The following DCLK2 variants were observed in gnomAD, a reference collection of about 807,000 sequenced individuals.
The protein encoded by DCLK2 is serine/threonine-protein kinase DCLK2.
In DCLK2, 31 loss-of-function variants were observed where a neutral mutation model predicts 78.4. The ratio of observed to expected loss-of-function variants is 0.40; its 90% CI spans 0.30 to 0.53. The LOEUF is 0.53. DCLK2 is among the 20% of genes least tolerant of loss of function. The probability of loss-of-function intolerance (pLI) is 0.61; values close to 1 mark genes in which losing one functional copy is unlikely to be tolerated. For missense variants in DCLK2, 872 were observed against 973.7 expected (o/e 0.90, Z 1.39); for synonymous variants, 407 against 374.9 (o/e 1.09, Z -0.99).
At chr4:150,143,041 T>C (rs1469101678) in intron 2 of DCLK2, among the ~76,000 whole-genome samples, 1 of 152,168 alleles carries the variant, frequency 6.6e-6, no homozygotes, top group Non-Finnish European at 1.5e-5. Context: ...ATGCAGCATT[T>C]TTATCTTTCT....
chr4:150,106,078 T>C (rs893948101), intron 2 of DCLK2, among the ~76,000 whole-genome samples: 1 of 152,016 alleles, frequency 6.6e-6, no homozygotes, highest in Non-Finnish European at 1.5e-5. Context: ...AAAAGATCTT[T>C]TAAGACTTTC....
chr4:150,252,380 A>C (rs761995542), intron 15 of DCLK2, among the ~76,000 whole-genome samples: 1 of 152,248 alleles, frequency 6.6e-6, no homozygotes, highest in South Asian at 2.1e-4. Context: ...GTCTTCTGAG[A>C]GGAAGAACCT....
chr4:150,165,015 A>G (rs1735966753), intron 2 of DCLK2, among the ~76,000 whole-genome samples: 1 of 152,210 alleles, frequency 6.6e-6, no homozygotes, highest in Non-Finnish European at 1.5e-5. Context: ...TTACATGAGT[A>G]ATCTCTGATT....
chr4:150,161,160 T>G (rs1735679361), intron 2 of DCLK2, among the ~76,000 whole-genome samples: 2 of 152,194 alleles, frequency 1.3e-5, no homozygotes, highest in African/African-American at 4.8e-5. Context: ...TATAGAAAAC[T>G]TACTTTCAGG....
intron 2 of DCLK2, among the ~76,000 whole-genome samples, chr4:150,160,399 A>G (rs1369367257): frequency 2.0e-5 from 3 of 152,176 alleles, no homozygotes; most frequent in Non-Finnish European, 4.4e-5. Context: ...TGCAGCTTTT[A>G]GGATTTAATT....
At chr4:150,233,584 T>A (rs765266464) in intron 10 of DCLK2, among the ~76,000 whole-genome samples, 1 of 152,160 alleles carries the variant, frequency 6.6e-6, no homozygotes, top group African/African-American at 2.4e-5. Flanking sequence ...AATAGTCTAG[T>A]CCATTCATCT....
chr4:150,125,237 T>C (rs1342789325), intron 2 of DCLK2, among the ~76,000 whole-genome samples: 1 of 152,240 alleles, frequency 6.6e-6, no homozygotes, highest in Non-Finnish European at 1.5e-5. Context: ...TGCATTTATC[T>C]TATGAATCTC....
Position 150,139,964 on chromosome 4 carries a change from T to C in DCLK2, c.756+37152T>C, listed in dbSNP as rs181158918. Among the ~76,000 whole-genome samples the C allele has an allele frequency of 1.1e-4, 16 of 152,338 alleles. No homozygotes were observed. The East Asian group carries it at 3.1e-3, about 29-fold the overall frequency. ...TACATTTTGACAAATATAGGCAAAT[T>C]ATCCTTCTAGAATGTCACTGCTTAG... On this transcript the variant is annotated intron_variant, in intron 2 of 15. Transcript: ENST00000296550.
rs200254330 is a variant in DCLK2, at chr4:150,256,691, C to T, written c.*444C>T. 8.6e-6 allele frequency: 1 copy of T among 116,436 alleles called. No individual in the cohort carries two copies. Among genetic ancestry groups the T allele is most frequent in the Non-Finnish European group, 2.0e-5 (1 of 50,338 alleles). 7.2% of individuals were successfully genotyped at this position (116,436 alleles called of 1,614,324 possible). The stretch of plus-strand genomic sequence containing the variant: ...TCTTTTCTTTTCTCTCTCTCTCTCT[C>T]TTTTTTTTTTACGAAAGACTTAGAA... On this transcript the variant is annotated 3_prime_UTR_variant, in exon 16 of 16. Transcript: ENST00000296550.
chr4:150,154,722 C>T (rs571429401), intron 2 of DCLK2, among the ~76,000 whole-genome samples: 1 of 151,964 alleles, frequency 6.6e-6, no homozygotes, highest in Non-Finnish European at 1.5e-5. Flanking sequence ...TTGATTTTTG[C>T]CTTTGTCATG....
At chr4:150,103,696 T>C (rs1731037430) in intron 2 of DCLK2, among the ~76,000 whole-genome samples, 2 of 152,204 alleles carry the variant, frequency 1.3e-5, no homozygotes, top group African/African-American at 4.8e-5. Flanking sequence ...ATATAAAACA[T>C]TGAGCAGTGT....
At chr4:150,248,110 A>T (rs530463062) in intron 13 of DCLK2, among the ~76,000 whole-genome samples, 195 bp from the exon 14 acceptor site, 1 of 152,342 alleles carries the variant, frequency 6.6e-6, no homozygotes, top group South Asian at 2.1e-4. Flanking sequence ...ACATGGACTC[A>T]GGAGAGACTG....
intron 2 of DCLK2, among the ~76,000 whole-genome samples, chr4:150,186,046 C>G (rs776077804): frequency 1.1e-4 from 16 of 152,172 alleles, no homozygotes; most frequent in Non-Finnish European, 2.2e-4. Flanking sequence ...ACTTTCCCCT[C>G]GTTTGTATAG....
rs1364226226 is a variant in DCLK2, at chr4:150,224,578, T to C, written c.1299+20T>C. On this transcript the variant is annotated intron_variant, in intron 8 of 15. Transcript: ENST00000296550. Reference sequence around the variant, plus strand: ...GGAAAGGTATAGTATGCATAACCCCTAGTTCTGAAAGAAACTAGAGTAACT... The same window carrying C: ...GGAAAGGTATAGTATGCATAACCCCCAGTTCTGAAAGAAACTAGAGTAACT... 6.3e-7 allele frequency: 1 copy of C among 1,593,660 alleles called. No homozygotes were observed. The highest frequency in any genetic ancestry group is 1.4e-5 in the African/African-American group (1 of 73,954).
chr4:150,196,173 G>A (rs1378797961), intron 3 of DCLK2, among the ~76,000 whole-genome samples: 2 of 152,096 alleles, frequency 1.3e-5, no homozygotes, highest in East Asian at 3.8e-4. Flanking sequence ...AGAATGCATG[G>A]AATTCAGTTT....
chr4:150,174,243 A>G (rs780511379), intron 2 of DCLK2, among the ~76,000 whole-genome samples: 9 of 152,192 alleles, frequency 5.9e-5, no homozygotes, highest in Non-Finnish European at 8.8e-5. Context: ...CTGAGTAGCC[A>G]TGCGGCATCC....
intron 2 of DCLK2, among the ~76,000 whole-genome samples, chr4:150,187,152 T>A (rs1207654188): frequency 6.6e-6 from 1 of 152,190 alleles, no homozygotes; most frequent in Non-Finnish European, 1.5e-5. Flanking sequence ...AAATCTTTCT[T>A]ATCCATTTTA....
At chr4:150,197,954 G>A (rs560084592) in intron 3 of DCLK2, 48 bp from the exon 4 acceptor site, 23 of 1,485,468 alleles carry the variant, frequency 1.5e-5, no homozygotes, top group Admixed American at 3.7e-5. Context: ...TCTGCTTTTG[G>A]TCGTTATTAA....
chr4:150,106,805 A>G (rs747332029), intron 2 of DCLK2, among the ~76,000 whole-genome samples: 1 of 152,206 alleles, frequency 6.6e-6, no homozygotes, highest in African/African-American at 2.4e-5. Context: ...TCTTCCTTCA[A>G]AATGGGTGAA....
Sources: gnomAD v4.1 joint callset for allele counts (sites outside exome capture counted in the v4.1 genomes callset) on GRCh38, gnomAD v4.1.1 for gene constraint, MANE v1.5 for transcripts, NCBI Gene and HGNC (gene_info 2026-07-23, HGNC 2026-07-21) for gene names.